The following TLN2 variants were observed in gnomAD, a reference collection of about 807,000 sequenced individuals.
TLN2 encodes the protein talin 2.
TLN2 carries 118 observed loss-of-function variants against 294.7 expected under a neutral mutation model. The ratio of observed to expected loss-of-function variants is 0.40; its 90% CI spans 0.34 to 0.47. TLN2 has a LOEUF of 0.47. Among genes scored for constraint, TLN2 ranks in the 20% least tolerant of loss-of-function variants. The pLI is 0.84. For synonymous variants in TLN2, 1,431 were observed against 1,304.5 expected (o/e 1.10, Z -2.09); for missense variants, 3,083 against 3,282.2 (o/e 0.94, Z 1.48).
intron 7 of TLN2, among the ~76,000 whole-genome samples, chr15:62,655,648 G>A (rs1343744652): frequency 1.1e-3 from 1 of 910 alleles, no homozygotes; most frequent in African/African-American, 1.1e-3. Context: ...CTGGGCCATG[G>A]GAATGCGTCA....
intron 1 of TLN2, among the ~76,000 whole-genome samples, chr15:62,493,350 T>C (rs1317247512): frequency 1.3e-5 from 2 of 152,156 alleles, no homozygotes; most frequent in Non-Finnish European, 2.9e-5. Flanking sequence ...TTTCCTCACG[T>C]GTCAAACACT....
intron 2 of TLN2, among the ~76,000 whole-genome samples, chr15:62,603,992 A>G (rs2047207019): frequency 6.6e-6 from 1 of 152,244 alleles, no homozygotes; most frequent in Admixed American, 6.5e-5. Flanking sequence ...GCAGGCATAG[A>G]CAAGTCATAA....
intron 3 of TLN2, among the ~76,000 whole-genome samples, chr15:62,639,076 A>G (rs971041523): frequency 3.3e-5 from 5 of 152,272 alleles, no homozygotes; most frequent in African/African-American, 1.2e-4. Flanking sequence ...AGTGTTATGA[A>G]GTCCACAGAT....
Position 62,772,534 on chromosome 15 carries a change from G to A in TLN2, c.5367+1400G>A, listed in dbSNP as rs571656932. 3.3e-5 allele frequency among the ~76,000 whole-genome samples: 5 copies of A among 152,284 alleles called. No homozygotes were observed. The South Asian group carries it at 8.3e-4, about 25-fold the overall frequency. ...TGCCTCCCCCAAACTGGAGGAGGCA[G>A]AACTTACCCTCTGACTCACTTCTGG... is the stretch of plus-strand genomic sequence containing the variant. On this transcript the variant is annotated intron_variant, in intron 42 of 58. Transcript: ENST00000636159.
At chr15:62,459,141 C>T (rs1002357615) in intron 1 of TLN2, among the ~76,000 whole-genome samples, 1 of 152,054 alleles carries the variant, frequency 6.6e-6, no homozygotes, top group Admixed American at 6.5e-5. Flanking sequence ...GCTGGGACTA[C>T]AGGTTCCTGC....
At chr15:62,684,036 TG>T (rs1259710982) in intron 11 of TLN2, 2 of 152,356 alleles carry the variant, frequency 1.3e-5, no homozygotes, top group African/African-American at 4.8e-5. Context: ...TTTTATCCCT[TG>T]ATGGTGGTCT....
chr15:62,634,858 A>G (rs572687656), intron 3 of TLN2, among the ~76,000 whole-genome samples: 79 of 152,296 alleles, frequency 5.2e-4, no homozygotes, highest in African/African-American at 1.7e-3. Context: ...GTCTAGTCCA[A>G]TCCTTCTTCT....
chr15:62,517,254 G>A (rs1175476429), intron 1 of TLN2, among the ~76,000 whole-genome samples: 2 of 152,094 alleles, frequency 1.3e-5, no homozygotes, highest in Non-Finnish European at 2.9e-5. Flanking sequence ...CTACTCCTTA[G>A]GCTCACCCTT....
chr15:62,451,428 G>A (rs1176514830), intron 1 of TLN2, among the ~76,000 whole-genome samples: 2 of 152,120 alleles, frequency 1.3e-5, no homozygotes, highest in East Asian at 1.9e-4. Context: ...AGGCCGAGGC[G>A]GGTGAATCAC....
chr15:62,449,429 T>A (rs779758777), intron 1 of TLN2, among the ~76,000 whole-genome samples: 2 of 152,160 alleles, frequency 1.3e-5, no homozygotes, highest in African/African-American at 4.8e-5. Flanking sequence ...ATGAGCTAGC[T>A]GGCAGAGGGC....
chr15:62,722,413 G>A lies in TLN2; in HGVS notation c.3052G>A (p.Ala1018Thr), dbSNP rs781652394. 2.5e-5 allele frequency: 40 copies of A among 1,613,270 alleles called. No individual in the cohort carries two copies. Among genetic ancestry groups the A allele is most frequent in the Middle Eastern group, 3.5e-4 (2 of 5,780 alleles). ...AGTGCCCACCGTGAGTGACCAGGCC[G>A]CAGCCATGCAGCTGAGCCAGTGTGC... ...AAVPTVSDQA[A>T]AMQLSQCAKN... Residue 1018 changes from alanine to threonine, a missense_variant, in exon 26 of 59, where the codon GCA becomes ACA. Physicochemically the swap from Ala to Thr is moderately conservative, Grantham distance 58. Coordinates refer to ENST00000636159, the MANE Select transcript of TLN2 (RefSeq NM_015059.3).
At chr15:62,813,826 T>A (rs1030385771) in intron 52 of TLN2, among the ~76,000 whole-genome samples, 3 of 152,134 alleles carry the variant, frequency 2.0e-5, no homozygotes, top group Non-Finnish European at 2.9e-5. Context: ...GCTTTTTTTT[T>A]TTTTGGAGAC....
At chr15:62,400,882 C>G (rs2032967624) in intron 1 of TLN2, among the ~76,000 whole-genome samples, 1 of 135,862 alleles carries the variant, frequency 7.4e-6, no homozygotes, top group Admixed American at 8.1e-5. Context: ...GTGGTGCAAT[C>G]TGGGCTCACT....
chr15:62,531,459 T>G (rs1014034273), intron 1 of TLN2, among the ~76,000 whole-genome samples: 6 of 152,030 alleles, frequency 3.9e-5, no homozygotes, highest in African/African-American at 1.4e-4. Context: ...GAGGAATGTC[T>G]TTTTTTTCAT....
intron 1 of TLN2, among the ~76,000 whole-genome samples, chr15:62,434,730 A>G (rs890225121): frequency 6.6e-6 from 1 of 152,224 alleles, no homozygotes. Flanking sequence ...GGAATCTCAT[A>G]TCACTTATGA....
At position 62,792,775 on chromosome 15, in the gene TLN2, C is replaced by T. The variant is rs776458598; in HGVS notation, c.5871C>T (p.Ala1957=). Residue 1957 remains alanine, a synonymous_variant, in exon 46 of 59, where the codon GCC becomes GCT. Coordinates refer to ENST00000636159, the MANE Select transcript of TLN2 (RefSeq NM_015059.3). ...GGGAGCTGATCGAATGCGCCCGTGCCGTCACGGAAAAGGTAAGGAGCAGCC... is the reference window on the plus strand; with the variant it reads ...GGGAGCTGATCGAATGCGCCCGTGCTGTCACGGAAAAGGTAAGGAGCAGCC... ...TKRELIECAR[A]VTEKVSLVLS... 5.6e-6 allele frequency: 9 copies of T among 1,613,850 alleles called. No individual in the cohort carries two copies. Among genetic ancestry groups the T allele is most frequent in the Non-Finnish European group, 6.8e-6 (8 of 1,180,010 alleles).
chr15:62,539,807 T>A (rs1271063022), intron 1 of TLN2, among the ~76,000 whole-genome samples: 1 of 152,072 alleles, frequency 6.6e-6, no homozygotes, highest in African/African-American at 2.4e-5. Flanking sequence ...TTTTGTTTGC[T>A]TCTTTTATTT....
rs150939327 is a variant in TLN2 at position 62,409,161 on chromosome 15, A to G, written c.-238+18476A>G. On this transcript the variant is annotated intron_variant, in intron 1 of 58. Transcript: ENST00000636159. ...CTGACTGTTGGGGATTTTTTTTTGT[A>G]GAGACTGGCCATGTCGCTTATGGCC... Among the ~76,000 whole-genome samples, 4 of 148,186 alleles carry G rather than the reference A, an allele frequency of 2.7e-5. No homozygotes were observed. The East Asian group carries it at 8.2e-4, about 30-fold the overall frequency.
chr15:62,551,210 C>T (rs1274898165), intron 1 of TLN2, among the ~76,000 whole-genome samples: 1 of 152,142 alleles, frequency 6.6e-6, no homozygotes, highest in Non-Finnish European at 1.5e-5. Context: ...GTTGTAAATA[C>T]AGATGAAGCT....
Sources: allele counts gnomAD v4.1 joint callset (sites outside exome capture counted in the v4.1 genomes callset), GRCh38; gene constraint gnomAD v4.1.1; transcripts MANE v1.5; gene names NCBI Gene and HGNC (gene_info 2026-07-23, HGNC 2026-07-21).